The following SH3GL3 variants were observed in gnomAD, a reference collection of about 807,000 sequenced individuals.
The protein encoded by SH3GL3 is SH3 domain containing GRB2 like 3, endophilin A3, also known as endophilin-A3.
SH3GL3 carries 33 observed loss-of-function variants against 47.7 expected under a neutral mutation model. That is an observed-to-expected ratio of 0.69 (90% CI 0.52 to 0.92). The LOEUF (loss-of-function observed/expected upper bound fraction) is 0.92. Ranked by LOEUF, SH3GL3 falls within the 40% of genes least tolerant of loss-of-function variation. The pLI, the probability that SH3GL3 is intolerant of heterozygous loss-of-function variation, is 0.00. For missense variants in SH3GL3, 363 were observed against 417.8 expected (o/e 0.87, Z 1.14); for synonymous variants, 155 against 148.8 (o/e 1.04, Z -0.30).
At chr15:83,458,769 A>G (rs1418927844) in intron 1 of SH3GL3, among the ~76,000 whole-genome samples, 2 of 152,210 alleles carry the variant, frequency 1.3e-5, no homozygotes, top group East Asian at 1.9e-4. Flanking sequence ...TCTTGTTGCC[A>G]TCTCTTCTCT....
intron 8 of SH3GL3, among the ~76,000 whole-genome samples, chr15:83,589,890 C>T (rs1173769955): frequency 6.6e-6 from 1 of 152,140 alleles, no homozygotes; most frequent in Non-Finnish European, 1.5e-5. Flanking sequence ...TATCCTTTAT[C>T]ACTGTGCTGG....
intron 5 of SH3GL3, among the ~76,000 whole-genome samples, chr15:83,574,207 G>A (rs570034658): frequency 7.2e-5 from 11 of 152,244 alleles, no homozygotes; most frequent in African/African-American, 2.6e-4. Flanking sequence ...GCCTGTCCAG[G>A]CAATGTATTT....
chr15:83,609,203 C>T (rs542402506), intron 8 of SH3GL3: 282 of 450,442 alleles, frequency 6.3e-4, no homozygotes, highest in Non-Finnish European at 9.1e-4. Context: ...GAAAGGGACT[C>T]GGTACAGAGT....
chr15:83,486,459 T>TAGCACAGAGTAA (rs1309215543), intron 1 of SH3GL3, among the ~76,000 whole-genome samples: 1 of 152,244 alleles, frequency 6.6e-6, no homozygotes, highest in African/African-American at 2.4e-5. Context: ...TGGATTTACT[T>TAGCACAGAGTAA]ATTCTGGATA....
At chr15:83,604,026 T>G (rs2060454302) in intron 8 of SH3GL3, among the ~76,000 whole-genome samples, 1 of 151,986 alleles carries the variant, frequency 6.6e-6, no homozygotes, top group South Asian at 2.1e-4. Context: ...CCTAGCTACT[T>G]GGGAGGCTGA....
At position 83,448,828 on chromosome 15, in the gene SH3GL3, C is replaced by G. The variant is rs1227508063; in HGVS notation, c.45+1250C>G. On this transcript the variant is annotated intron_variant, in intron 1 of 8. Transcript: ENST00000427482. The surrounding 1 kb of genome is among the most constrained non-coding windows in gnomAD (Gnocchi z 4.2). ...GGAAACTGGGTGATGCTGTTTCTAGCTGGGGGCACTGGGTGGACAGTGGTG... is the reference window on the plus strand; with the variant it reads ...GGAAACTGGGTGATGCTGTTTCTAGGTGGGGGCACTGGGTGGACAGTGGTG... 1.3e-5 allele frequency among the ~76,000 whole-genome samples: 2 copies of G among 152,174 alleles called. No homozygotes were observed. The highest frequency in any genetic ancestry group is 1.5e-5 in the Non-Finnish European group (1 of 68,036).
intron 1 of SH3GL3, among the ~76,000 whole-genome samples, chr15:83,449,714 CTT>C (rs11361312): frequency 1.7e-3 from 218 of 125,866 alleles, no homozygotes; most frequent in East Asian, 4.1e-3. Flanking sequence ...CTTATTTAGT[CTT>C]TTTTTTTTTT....
chr15:83,608,616 C>A (rs762941023), intron 8 of SH3GL3, among the ~76,000 whole-genome samples: 7 of 152,140 alleles, frequency 4.6e-5, no homozygotes, highest in Non-Finnish European at 1.0e-4. Context: ...GATGGTATCT[C>A]ACAGATTGAG....
chr15:83,465,428 C>T (rs989542564), intron 1 of SH3GL3, among the ~76,000 whole-genome samples: 1 of 151,976 alleles, frequency 6.6e-6, no homozygotes. Context: ...CCTAAGCTTC[C>T]TCTTCGGGCC....
rs1212233313 is a variant in SH3GL3, at chr15:83,585,062, G to A, written c.625-1921G>A. On this transcript the variant is annotated intron_variant, in intron 6 of 8. Transcript: ENST00000427482. Reference sequence around the variant, plus strand: ...CTCATGACCTGGGGGACAGCTGGAAGCTTCAATTTTCTGAAATCAAGAGGA... The same window carrying A: ...CTCATGACCTGGGGGACAGCTGGAAACTTCAATTTTCTGAAATCAAGAGGA... 2.6e-5 allele frequency among the ~76,000 whole-genome samples: 4 copies of A among 152,186 alleles called. No individual in the cohort carries two copies. In the East Asian group the frequency reaches 7.7e-4, roughly 29 times the overall value.
intron 1 of SH3GL3, among the ~76,000 whole-genome samples, chr15:83,513,402 C>T (rs1259671650): frequency 6.6e-6 from 1 of 152,190 alleles, no homozygotes; most frequent in Non-Finnish European, 1.5e-5. Context: ...CAACTCCACT[C>T]AAACCCTCCA....
chr15:83,492,929 G>A (rs958902704), intron 1 of SH3GL3, among the ~76,000 whole-genome samples: 4 of 152,214 alleles, frequency 2.6e-5, no homozygotes, highest in African/African-American at 9.7e-5. Flanking sequence ...CCCAGGGTCT[G>A]TTTCTGGGGG....
At chr15:83,497,398 C>G (rs902387089) in intron 1 of SH3GL3, among the ~76,000 whole-genome samples, 8 of 152,168 alleles carry the variant, frequency 5.3e-5, no homozygotes, top group African/African-American at 9.7e-5. Flanking sequence ...TCCACGCCCC[C>G]CTTCTCGCTA....
intron 1 of SH3GL3, among the ~76,000 whole-genome samples, chr15:83,512,734 C>G (rs1416594003): frequency 6.6e-6 from 1 of 152,036 alleles, no homozygotes; most frequent in Non-Finnish European, 1.5e-5. Context: ...CTCCAAGACT[C>G]TCAATGTAGT....
intron 1 of SH3GL3, among the ~76,000 whole-genome samples, chr15:83,512,461 G>A (rs1165030824): frequency 1.3e-5 from 2 of 152,158 alleles, no homozygotes; most frequent in East Asian, 3.8e-4. Flanking sequence ...CAAAGAATTT[G>A]CTTTTGTGCG....
chr15:83,559,287 C>T lies in SH3GL3; in HGVS notation c.80C>T (p.Thr27Ile). 6.3e-7 allele frequency: 1 copy of T among 1,592,244 alleles called. No individual in the cohort carries two copies. The highest frequency in any genetic ancestry group is 8.6e-7 in the Non-Finnish European group (1 of 1,160,212). ...GAAAAAATAAGTGGTGCTGAAGGAA[C>T]TAAACTAGACGATGAATTTCTTGAC... is the stretch of plus-strand genomic sequence containing the variant. Reference protein sequence around the residue: ...FSEKISGAEGTKLDDEFLDME... With the variant: ...FSEKISGAEGIKLDDEFLDME... The change falls in exon 2 of 9, where the codon ACT becomes ATT. Residue 27 changes from threonine (T) to isoleucine (I), a missense_variant. Coordinates refer to ENST00000427482, the MANE Select transcript of SH3GL3 (RefSeq NM_003027.5).
At chr15:83,551,042 C>T (rs1318114085) in intron 1 of SH3GL3, among the ~76,000 whole-genome samples, 3 of 152,150 alleles carry the variant, frequency 2.0e-5, no homozygotes, top group Admixed American at 6.5e-5. Context: ...GAGAAGGCAG[C>T]CAAGGCTGTG....
intron 1 of SH3GL3, among the ~76,000 whole-genome samples, chr15:83,457,415 C>G (rs2040048219): frequency 1.3e-5 from 2 of 152,236 alleles, no homozygotes; most frequent in Non-Finnish European, 2.9e-5. Context: ...GCCTCTAACA[C>G]AGTGCTTTTT....
intron 1 of SH3GL3, among the ~76,000 whole-genome samples, chr15:83,493,714 C>T (rs1309879550): frequency 6.6e-6 from 1 of 152,100 alleles, no homozygotes; most frequent in Non-Finnish European, 1.5e-5. Flanking sequence ...ATCTGTAACC[C>T]GCCATGCAAT....
Sources: allele counts gnomAD v4.1 joint callset (sites outside exome capture counted in the v4.1 genomes callset), GRCh38; gene constraint gnomAD v4.1.1; non-coding constraint Gnocchi (gnomAD v3.1); transcripts MANE v1.5; gene names NCBI Gene and HGNC (gene_info 2026-07-23, HGNC 2026-07-21).